The following VSNL1 variants were observed in gnomAD, a reference collection of about 807,000 sequenced individuals.
The protein encoded by VSNL1 is visinin-like protein 1.
A neutral mutation model predicts 20.4 loss-of-function variants in VSNL1; 6 were observed. The ratio of observed to expected loss-of-function variants is 0.29; its 90% CI spans 0.16 to 0.58. The LOEUF (loss-of-function observed/expected upper bound fraction) is 0.58, where lower values mean the gene tolerates loss of function less well. VSNL1 is among the 20% of genes least tolerant of loss of function. VSNL1 has a pLI of 0.90. For missense variants in VSNL1, 100 were observed against 234.5 expected, an observed-to-expected ratio of 0.43 and a Z score of 3.75; for synonymous variants, 93 against 86.4, an observed-to-expected ratio of 1.08 and a Z score of -0.42.
rs1439136650 is a variant in VSNL1 at position 17,611,886 on chromosome 2, G to C, written c.162+19650G>C. ...CGTACATCCTGCTAAGGGATTTATA[G>C]TTTATCAGGAAAACCAAAGTAATAG... is the stretch of plus-strand genomic sequence containing the variant. On this transcript the variant is annotated intron_variant, in intron 2 of 3. Transcript: ENST00000295156. Among the ~76,000 whole-genome samples, 8 of 152,310 alleles carry C rather than the reference G, an allele frequency of 5.3e-5. No homozygotes were observed. In the East Asian group the frequency reaches 1.5e-3, roughly 29 times the overall value.
chr2:17,567,880 T>C (rs1333913614), intron 1 of VSNL1, among the ~76,000 whole-genome samples: 1 of 152,306 alleles, frequency 6.6e-6, no homozygotes, highest in Middle Eastern at 3.4e-3. Context: ...CTAATATGTA[T>C]CATTTTGCAT....
At chr2:17,577,745 A>G (rs1412055954) in intron 1 of VSNL1, among the ~76,000 whole-genome samples, 1 of 152,224 alleles carries the variant, frequency 6.6e-6, no homozygotes, top group Non-Finnish European at 1.5e-5. Context: ...CACTTGGGGA[A>G]AAAAATGTTA....
At chr2:17,635,974 C>T (rs1213437319) in intron 2 of VSNL1, among the ~76,000 whole-genome samples, 2 of 151,864 alleles carry the variant, frequency 1.3e-5, no homozygotes. Flanking sequence ...AGCCAAACTG[C>T]CTCCACTATT....
chr2:17,557,002 G>C (rs893838278), intron 1 of VSNL1, among the ~76,000 whole-genome samples: 8 of 152,080 alleles, frequency 5.3e-5, no homozygotes, highest in African/African-American at 1.9e-4. Flanking sequence ...ATCCAGCAAA[G>C]GAGAAAGAGG....
Position 17,655,432 on chromosome 2 carries a change from T to C in VSNL1, c.*38T>C, listed in dbSNP as rs376423250. The C allele has an allele frequency of 1.1e-3, 1,787 of 1,561,830 alleles. 3 individuals carry two copies. Among genetic ancestry groups the C allele is most frequent in the Non-Finnish European group, 1.4e-3 (1,618 of 1,146,042 alleles). On this transcript the variant is annotated 3_prime_UTR_variant, in exon 4 of 4. Coordinates refer to ENST00000295156, the MANE Select transcript of VSNL1 (RefSeq NM_003385.5). The surrounding 1 kb of genome is among the most constrained non-coding windows in gnomAD (Gnocchi z 5.2). ...GCTATGGACTGCACAAAAGTCTCAA[T>C]GTTCCATTCAGTCTGCAGCTATTCA... is the stretch of plus-strand genomic sequence containing the variant.
upstream of VSNL1, among the ~76,000 whole-genome samples, chr2:17,540,372 C>A (rs552620017): frequency 6.6e-6 from 1 of 152,376 alleles, no homozygotes; most frequent in South Asian, 2.1e-4. Context: ...CTGGGCGTGG[C>A]GAGTCCGGGT....
At chr2:17,558,632 C>A (rs757703060) in intron 1 of VSNL1, among the ~76,000 whole-genome samples, 3 of 152,164 alleles carry the variant, frequency 2.0e-5, no homozygotes, top group Non-Finnish European at 2.9e-5. Context: ...CTGACCTAAG[C>A]CCCATTTCTT....
intron 2 of VSNL1, among the ~76,000 whole-genome samples, chr2:17,646,523 GA>G (rs767023953): frequency 2.0e-5 from 3 of 152,122 alleles, no homozygotes; most frequent in Non-Finnish European, 2.9e-5. Context: ...CCACAAAATG[GA>G]AAGTACAATG....
At chr2:17,650,681 G>A (rs1666105482) in intron 3 of VSNL1, among the ~76,000 whole-genome samples, 1 of 152,164 alleles carries the variant, frequency 6.6e-6, no homozygotes, top group South Asian at 2.1e-4. Flanking sequence ...AAGAAAATGG[G>A]ATGATTGCAA....
intron 2 of VSNL1, among the ~76,000 whole-genome samples, chr2:17,595,906 C>T (rs754912824): frequency 6.6e-6 from 1 of 152,098 alleles, no homozygotes; most frequent in Non-Finnish European, 1.5e-5. Flanking sequence ...TTTTTAATGT[C>T]TTATTGTTGC....
chr2:17,626,932 T>C (rs554356301), intron 2 of VSNL1, among the ~76,000 whole-genome samples: 1 of 152,214 alleles, frequency 6.6e-6, no homozygotes, highest in Non-Finnish European at 1.5e-5. Flanking sequence ...GTGCAGCTTG[T>C]CTGCTGCACA....
rs1425143442 is a variant in VSNL1 at position 17,656,269 on chromosome 2, T to C, written c.*875T>C. 1 of 152,100 alleles carries C rather than the reference T, an allele frequency of 6.6e-6. No individual in the cohort carries two copies. Among genetic ancestry groups the C allele is most frequent in the Non-Finnish European group, 1.5e-5 (1 of 68,034 alleles). 9.4% of individuals were successfully genotyped at this position (152,100 alleles called of 1,614,324 possible). Reference sequence around the variant, plus strand: ...CTAAATCTACTCTTAAATATACAACTTTGGAATTTGAAGAATTAATGACAA... The same window carrying C: ...CTAAATCTACTCTTAAATATACAACCTTGGAATTTGAAGAATTAATGACAA... On this transcript the variant is annotated 3_prime_UTR_variant, in exon 4 of 4. Transcript: ENST00000295156.
intron 1 of VSNL1, among the ~76,000 whole-genome samples, chr2:17,556,379 A>T (rs1048558721): frequency 6.6e-6 from 1 of 152,228 alleles, no homozygotes; most frequent in Non-Finnish European, 1.5e-5. Context: ...CACTTCTTAA[A>T]TCAATTGGAT....
chr2:17,631,233 T>A (rs1293814452), intron 2 of VSNL1, among the ~76,000 whole-genome samples: 1 of 152,084 alleles, frequency 6.6e-6, no homozygotes, highest in Admixed American at 6.5e-5. Flanking sequence ...GGAAATATTC[T>A]GAATCTCGGT....
At chr2:17,618,867 G>A (rs1665282281) in intron 2 of VSNL1, among the ~76,000 whole-genome samples, 1 of 152,160 alleles carries the variant, frequency 6.6e-6, no homozygotes, top group African/African-American at 2.4e-5. Context: ...AGGCAGAGGA[G>A]GGAATGGCTC....
At chr2:17,596,083 A>G (rs981702174) in intron 2 of VSNL1, among the ~76,000 whole-genome samples, 1 of 152,154 alleles carries the variant, frequency 6.6e-6, no homozygotes, top group Non-Finnish European at 1.5e-5. Context: ...TAAGCCCCCC[A>G]GTCTGTGGTG....
At chr2:17,638,710 T>G (rs1005306610) in intron 2 of VSNL1, among the ~76,000 whole-genome samples, 4 of 152,174 alleles carry the variant, frequency 2.6e-5, no homozygotes, top group African/African-American at 9.6e-5. Flanking sequence ...TAGCAAACTC[T>G]CCAGAGATTT....
chr2:17,572,339 G>A (rs866185288), intron 1 of VSNL1, among the ~76,000 whole-genome samples: 4 of 152,148 alleles, frequency 2.6e-5, no homozygotes, highest in Middle Eastern at 3.4e-3. Flanking sequence ...TTTGTCTGGC[G>A]CATGCAGTAG....
At chr2:17,635,178 G>A (rs902728585) in intron 2 of VSNL1, among the ~76,000 whole-genome samples, 1 of 152,156 alleles carries the variant, frequency 6.6e-6, no homozygotes, top group Non-Finnish European at 1.5e-5. Context: ...AGAGGGACTG[G>A]GCTGAAGGAC....
Sources: gnomAD v4.1 joint callset for allele counts (sites outside exome capture counted in the v4.1 genomes callset) on GRCh38, gnomAD v4.1.1 for gene constraint, Gnocchi (gnomAD v3.1) non-coding constraint, MANE v1.5 for transcripts, NCBI Gene and HGNC (gene_info 2026-07-23, HGNC 2026-07-21) for gene names.